PLB1: variants seen among roughly 807,000 people sequenced by gnomAD.
The protein encoded by PLB1 is phospholipase B1, membrane-associated.
PLB1 carries 242 observed loss-of-function variants against 227.4 expected under a neutral mutation model. The observed-to-expected ratio is 1.06, with a 90% CI of 0.96 to 1.18. PLB1 has a LOEUF of 1.18. PLB1 is among the 50% of genes most tolerant of loss of function. PLB1 has a pLI of 0.00. For missense variants in PLB1, 1,858 were observed against 1,816.3 expected, an observed-to-expected ratio of 1.02 and a Z score of -0.42; for synonymous variants, 757 against 682.2, an observed-to-expected ratio of 1.11 and a Z score of -1.71.
At chr2:28,624,409 A>ACT (rs1553461909) in intron 49 of PLB1, among the ~76,000 whole-genome samples, 1 of 151,922 alleles carries the variant, frequency 6.6e-6, no homozygotes. Flanking sequence ...TTTATGGCTG[A>ACT]GTAGTGTTCC....
At chr2:28,530,231 G>A (rs1474441637) in intron 8 of PLB1, among the ~76,000 whole-genome samples, 2 of 152,186 alleles carry the variant, frequency 1.3e-5, no homozygotes, top group Admixed American at 1.3e-4. Context: ...TAAATGACTT[G>A]TCCCACAGGG....
At chr2:28,623,772 G>C (rs1197237943) in intron 49 of PLB1, among the ~76,000 whole-genome samples, 1 of 152,142 alleles carries the variant, frequency 6.6e-6, no homozygotes, top group Admixed American at 6.5e-5. Flanking sequence ...GCTTTATTGA[G>C]GTATAAATGA....
rs753072126 is a variant in PLB1 at position 28,573,250 on chromosome 2, A to T, written c.1378A>T (p.Lys460Ter). The change falls in exon 21 of 58, where the codon AAA becomes TAA. Residue 460 changes from lysine (K) to a stop codon, truncating the protein, a stop_gained. Coordinates refer to ENST00000327757, the MANE Select transcript of PLB1 (RefSeq NM_153021.5). LOFTEE classifies it high-confidence loss of function. ...GAAGGGCTTCTCTGTTGGCACTGGG[A>T]AAGAAACCAGTCCTAATGCCTTCTT... is the stretch of plus-strand genomic sequence containing the variant. ...SLKGFSVGTGKETSPNAFLNQ... is the reference protein window; with the variant it reads ...SLKGFSVGTG 6.2e-7 allele frequency: 1 copy of T among 1,614,028 alleles called. No individual in the cohort carries two copies. Among genetic ancestry groups the T allele is most frequent in the Non-Finnish European group, 8.5e-7 (1 of 1,180,036 alleles).
intron 1 of PLB1, among the ~76,000 whole-genome samples, chr2:28,505,940 A>T (rs1202432166): frequency 6.6e-6 from 1 of 152,064 alleles, no homozygotes; most frequent in East Asian, 1.9e-4. Context: ...CACCTCACAC[A>T]CTTGTCTCCA....
chr2:28,619,112 G>A (rs1047379448), intron 46 of PLB1, among the ~76,000 whole-genome samples: 1 of 152,182 alleles, frequency 6.6e-6, no homozygotes, highest in Non-Finnish European at 1.5e-5. Context: ...CTTGTGGCAT[G>A]GGGTTTGTTG....
chr2:28,550,932 G>C (rs575055353), intron 16 of PLB1, among the ~76,000 whole-genome samples: 1 of 152,182 alleles, frequency 6.6e-6, no homozygotes, highest in South Asian at 2.1e-4. Context: ...AGGACAGGCT[G>C]GGGGAGGGAG....
intron 9 of PLB1, among the ~76,000 whole-genome samples, chr2:28,533,284 A>G (rs1671261951): frequency 6.6e-6 from 1 of 152,208 alleles, no homozygotes; most frequent in African/African-American, 2.4e-5. Context: ...TCATTGGCCA[A>G]TATTCCTGTA....
At chr2:28,556,613 A>C (rs995842795) in intron 17 of PLB1, among the ~76,000 whole-genome samples, 1 of 152,188 alleles carries the variant, frequency 6.6e-6, no homozygotes, top group African/African-American at 2.4e-5. Context: ...TATTGGGCCT[A>C]CTAGTGAGCT....
At chr2:28,533,960 T>C (rs1278316701) in intron 9 of PLB1, among the ~76,000 whole-genome samples, 2 of 152,234 alleles carry the variant, frequency 1.3e-5, no homozygotes, top group East Asian at 3.8e-4. Context: ...AGCTAAAATA[T>C]GTATCCTTTT....
chr2:28,497,595 A>G (rs1666607792), intron 1 of PLB1, among the ~76,000 whole-genome samples: 1 of 152,066 alleles, frequency 6.6e-6, no homozygotes, highest in Non-Finnish European at 1.5e-5. Flanking sequence ...CATTAACCAA[A>G]CCTGACCATT....
chr2:28,515,009 G>A (rs1163673891), intron 1 of PLB1, among the ~76,000 whole-genome samples: 1 of 152,042 alleles, frequency 6.6e-6, no homozygotes, highest in Non-Finnish European at 1.5e-5. Flanking sequence ...ACCTTTTGGG[G>A]CCTCAGTTTT....
chr2:28,526,091 A>G, intron 6 of PLB1, 146 bp downstream of exon 6: 2 of 894,954 alleles, frequency 2.2e-6, no homozygotes, highest in South Asian at 1.7e-5. Flanking sequence ...GAGAGGACAG[A>G]TCAGGAAGCC....
At chr2:28,615,609 G>A (rs1686086960) in intron 44 of PLB1, among the ~76,000 whole-genome samples, 1 of 152,220 alleles carries the variant, frequency 6.6e-6, no homozygotes, top group Admixed American at 6.5e-5. Context: ...CGTTAGCCCA[G>A]TGGAGGCTTG....
rs573763136 is a variant in PLB1, at chr2:28,618,406, A to G, written c.3315+7A>G. The G allele has an allele frequency of 1.2e-6, 2 of 1,613,668 alleles. No individual in the cohort carries two copies. Among genetic ancestry groups the G allele is most frequent in the African/African-American group, 2.7e-5 (2 of 75,030 alleles). On this transcript the variant is annotated splice_region_variant and intron_variant, in intron 46 of 57. Transcript: ENST00000327757. ...CCTGGGTGACTCTCTGACTGTGAGT[A>G]GTGAGCCATGAACCAGGATGGGCAG...
intron 11 of PLB1, among the ~76,000 whole-genome samples, chr2:28,539,977 C>A (rs1672242771): frequency 2.7e-5 from 4 of 149,726 alleles, no homozygotes; most frequent in East Asian, 2.0e-4. Flanking sequence ...CCCTCCATCC[C>A]ATACCCACCC....
Position 28,598,639 on chromosome 2 carries a change from C to A in PLB1, c.2366-13C>A. On this transcript the variant is annotated splice_polypyrimidine_tract_variant and intron_variant, in intron 34 of 57. Coordinates refer to ENST00000327757, the MANE Select transcript of PLB1 (RefSeq NM_153021.5). Reference sequence around the variant, plus strand: ...TTCTGAGCCGTCTGCATCCCATTCACCTTCTCTTCCAGATATCCTTCGGGA... The same window carrying A: ...TTCTGAGCCGTCTGCATCCCATTCAACTTCTCTTCCAGATATCCTTCGGGA... The A allele has an allele frequency of 1.2e-6, 2 of 1,604,554 alleles. No individual in the cohort carries two copies. The highest frequency in any genetic ancestry group is 8.5e-7 in the Non-Finnish European group (1 of 1,171,236).
chr2:28,640,606 G>GT (rs1689857056), intron 56 of PLB1, among the ~76,000 whole-genome samples: 2 of 152,164 alleles, frequency 1.3e-5, no homozygotes, highest in Admixed American at 1.3e-4. Context: ...GCCAGAGATG[G>GT]TCCCAGCCCC....
chr2:28,548,775 G>T, intron 14 of PLB1, 85 bp from the exon 15 acceptor site: 1 of 1,302,838 alleles, frequency 7.7e-7, no homozygotes, highest in South Asian at 1.2e-5. Flanking sequence ...ACTGCTGCTG[G>T]ACTAATGAGT....
At chr2:28,597,446 A>C (rs936283256) in intron 33 of PLB1, among the ~76,000 whole-genome samples, 2 of 152,156 alleles carry the variant, frequency 1.3e-5, no homozygotes, top group Non-Finnish European at 2.9e-5. Context: ...AAAAGGAAAC[A>C]AAATAGGGTG....
Sources: gnomAD v4.1 joint callset for allele counts (sites outside exome capture counted in the v4.1 genomes callset) on GRCh38, gnomAD v4.1.1 for gene constraint, MANE v1.5 for transcripts, NCBI Gene and HGNC (gene_info 2026-07-23, HGNC 2026-07-21) for gene names.